TMCC3: variants seen among roughly 807,000 people sequenced by gnomAD.
The protein encoded by TMCC3 is transmembrane and coiled-coil domain protein 3.
In TMCC3, 28 loss-of-function variants were observed where a neutral mutation model predicts 40.2. The ratio of observed to expected loss-of-function variants is 0.70; its 90% confidence interval spans 0.52 to 0.95. TMCC3 has a LOEUF of 0.95. Ranked by LOEUF, TMCC3 falls within the 40% of genes least tolerant of loss-of-function variation. TMCC3 has a pLI of 0.00. For missense variants in TMCC3, 554 were observed against 615.2 expected (o/e 0.90, Z 1.05); for synonymous variants, 255 against 248.5 (o/e 1.03, Z -0.25).
rs2068512145 is a variant in TMCC3, at chr12:94,569,234, G to T, written c.*2201C>A. The T allele has an allele frequency of 6.6e-6, 1 of 152,278 alleles. No individual in the cohort carries two copies. The highest frequency in any genetic ancestry group is 2.1e-4 in the South Asian group (1 of 4,828). 9.4% of individuals were successfully genotyped at this position (152,278 alleles called of 1,614,324 possible). A position where few individuals can be genotyped will look rare whatever the true frequency, so the allele number is the denominator to read the frequency against. On this transcript the variant is annotated 3_prime_UTR_variant, in exon 4 of 4. Transcript: ENST00000261226. ...CAGATACCAAGAGGGGCCCACCCAGGCCCCAGCTTGATTTAGGAGTGTAAG... is the reference window on the plus strand; with the variant it reads ...CAGATACCAAGAGGGGCCCACCCAGTCCCCAGCTTGATTTAGGAGTGTAAG...
chr12:94,577,228 G>A (rs961142345), intron 3 of TMCC3, among the ~76,000 whole-genome samples: 11 of 151,578 alleles, frequency 7.3e-5, no homozygotes, highest in African/African-American at 2.2e-4. Flanking sequence ...TCACTGTGTC[G>A]TCCAGGCTGG....
chr12:94,649,341 C>T (rs2069039171), intron 1 of TMCC3, among the ~76,000 whole-genome samples: 1 of 152,220 alleles, frequency 6.6e-6, no homozygotes, highest in Admixed American at 6.5e-5. Context: ...GTTGGTCTCT[C>T]GATCTTGGAA....
intron 1 of TMCC3, among the ~76,000 whole-genome samples, chr12:94,633,930 A>G (rs1325269747): frequency 6.6e-6 from 1 of 151,396 alleles, no homozygotes; most frequent in Non-Finnish European, 1.5e-5. Context: ...GTACATATAT[A>G]TTATTCTTTT....
intron 1 of TMCC3, among the ~76,000 whole-genome samples, chr12:94,603,259 A>G (rs914553821): frequency 6.6e-6 from 1 of 151,724 alleles, no homozygotes; most frequent in African/African-American, 2.4e-5. Context: ...TAATTTTTTT[A>G]TTTTTAGTAG....
intron 1 of TMCC3, among the ~76,000 whole-genome samples, chr12:94,631,919 ATC>A (rs1310802159): frequency 6.6e-5 from 10 of 152,358 alleles, no homozygotes; most frequent in Admixed American, 3.3e-4. Context: ...AGCCTTCTTC[ATC>A]TCTGTTCATA....
chr12:94,609,446 C>T (rs2068802162), intron 1 of TMCC3, among the ~76,000 whole-genome samples: 1 of 152,098 alleles, frequency 6.6e-6, no homozygotes, highest in South Asian at 2.1e-4. Context: ...CACTTCTGAT[C>T]ACCCCAAGTC....
At chr12:94,638,428 C>A (rs2068972100) in intron 1 of TMCC3, among the ~76,000 whole-genome samples, 1 of 152,156 alleles carries the variant, frequency 6.6e-6, no homozygotes, top group Non-Finnish European at 1.5e-5. Context: ...CTATAAGCAC[C>A]CCTCTCAAGC....
rs1156493086 is a variant in TMCC3 at position 94,570,662 on chromosome 12, A to C, written c.*773T>G. On this transcript the variant is annotated 3_prime_UTR_variant, in exon 4 of 4. Coordinates refer to ENST00000261226, the MANE Select transcript of TMCC3 (RefSeq NM_020698.4). ...GCTCACAGGATTCCAAATTAATGTT[A>C]AAGTCACAGTCTGATGAGGGATTTG... The C allele has an allele frequency of 6.6e-6, 1 of 152,640 alleles. No homozygotes were observed. The highest frequency in any genetic ancestry group is 2.4e-5 in the African/African-American group (1 of 41,444). 9.5% of individuals were successfully genotyped at this position (152,640 alleles called of 1,614,324 possible).
chr12:94,590,562 T>C (rs560516539), intron 1 of TMCC3, among the ~76,000 whole-genome samples: 1 of 152,166 alleles, frequency 6.6e-6, no homozygotes, highest in East Asian at 1.9e-4. Context: ...AGTGAGGCCA[T>C]GTGGGAAAAG....
chr12:94,596,125 AT>A (rs2068713666), intron 1 of TMCC3, among the ~76,000 whole-genome samples: 1 of 152,224 alleles, frequency 6.6e-6, no homozygotes, highest in African/African-American at 2.4e-5. Context: ...TCAGGGTCCT[AT>A]CCTAGTCATT....
At chr12:94,576,058 A>C (rs1013054726) in intron 3 of TMCC3, among the ~76,000 whole-genome samples, 1 of 152,204 alleles carries the variant, frequency 6.6e-6, no homozygotes, top group South Asian at 2.1e-4. Context: ...GATTATAGGC[A>C]TGAGCCACTG....
chr12:94,638,153 T>C (rs1337409905), intron 1 of TMCC3, among the ~76,000 whole-genome samples: 1 of 152,144 alleles, frequency 6.6e-6, no homozygotes, highest in African/African-American at 2.4e-5. Flanking sequence ...CTACGCAAAA[T>C]ATACACTCAA....
rs869220054 is a variant in TMCC3 at position 94,597,124 on chromosome 12, C to CATATATAT, written c.79-14594_79-14587dup. On this transcript the variant is annotated intron_variant, in intron 1 of 3. Coordinates refer to ENST00000261226, the MANE Select transcript of TMCC3 (RefSeq NM_020698.4). ...GTAAGTCACTGTCTCTATTAAAATA[C>CATATATAT]ATATATATATATATATATATATATA... 8.2e-3 allele frequency among the ~76,000 whole-genome samples: 243 copies of CATATATAT among 29,754 alleles called. 5 individuals carry two copies. Among genetic ancestry groups the CATATATAT allele is most frequent in the African/African-American group, 0.019 (191 of 10,096 alleles). The allele number at this position is 29,754 out of a possible 152,430, so 19.5% of individuals were successfully genotyped here.
rs1034870061 is a variant in TMCC3, at chr12:94,615,887, C to T, written c.79-33349G>A. On this transcript the variant is annotated intron_variant, in intron 1 of 3. Coordinates refer to ENST00000261226, the MANE Select transcript of TMCC3 (RefSeq NM_020698.4). Reference sequence around the variant, plus strand: ...AAGCTCCACAATACATATTTACACACTCTGGCTGAAACGGAAGAGTTGTGA... The same window carrying T: ...AAGCTCCACAATACATATTTACACATTCTGGCTGAAACGGAAGAGTTGTGA... 8.3e-6 allele frequency: 8 copies of T among 968,368 alleles called. No individual in the cohort carries two copies. The African/African-American group carries it at 1.7e-4, about 20-fold the overall frequency. 60.0% of individuals were successfully genotyped at this position (968,368 alleles called of 1,614,324 possible).
chr12:94,584,169 C>T (rs539829415), intron 1 of TMCC3, among the ~76,000 whole-genome samples: 3 of 152,132 alleles, frequency 2.0e-5, no homozygotes, highest in Non-Finnish European at 2.9e-5. Context: ...GGGAGGTGAT[C>T]GAATCATGGG....
intron 1 of TMCC3, chr12:94,644,432 A>G: frequency 2.0e-6 from 2 of 985,388 alleles, no homozygotes; most frequent in South Asian, 9.4e-5. Context: ...GAGGGTCTGA[A>G]GCAAAATACA....
intron 1 of TMCC3, among the ~76,000 whole-genome samples, chr12:94,604,019 A>T (rs574255997): frequency 1.1e-4 from 17 of 152,356 alleles, no homozygotes; most frequent in African/African-American, 3.8e-4. Context: ...ACTGTCTCAT[A>T]AATATTTGTT....
Position 94,578,396 on chromosome 12 carries a change from G to A in TMCC3, c.1129C>T (p.Gln377Ter). The A allele has an allele frequency of 6.2e-7, 1 of 1,613,686 alleles. No homozygotes were observed. The highest frequency in any genetic ancestry group is 8.5e-7 in the Non-Finnish European group (1 of 1,179,754). The part of the protein sequence containing the change: ...YQAYERSRDI[Q>*]EALESCQTRI... Reference sequence around the variant, plus strand: ...TCTAATCACAAAGGGAAAGGTACCTGGATGTCCCGCGAGCGCTCGTAGGCC... The same window carrying A: ...TCTAATCACAAAGGGAAAGGTACCTAGATGTCCCGCGAGCGCTCGTAGGCC... Residue 377 changes from glutamine (Q) to a stop codon, truncating the protein, a stop_gained and splice_region_variant, in exon 3 of 4, where the codon CAG becomes TAG. Transcript: ENST00000261226. LOFTEE classifies it high-confidence loss of function.
At chr12:94,613,233 G>A (rs2068827050) in intron 1 of TMCC3, among the ~76,000 whole-genome samples, 2 of 152,158 alleles carry the variant, frequency 1.3e-5, no homozygotes, top group Admixed American at 1.3e-4. Flanking sequence ...GGAGGCCGAG[G>A]CTGGTGGATC....
Sources: gnomAD v4.1 joint callset for allele counts (sites outside exome capture counted in the v4.1 genomes callset) on GRCh38, gnomAD v4.1.1 for gene constraint, MANE v1.5 for transcripts, NCBI Gene and HGNC (gene_info 2026-07-23, HGNC 2026-07-21) for gene names.